Variants in POLA2 observed in about 807,000 individuals in gnomAD.
The protein encoded by POLA2 is DNA polymerase alpha subunit B.
POLA2 carries 47 observed loss-of-function variants against 82.8 expected under a neutral mutation model. That is an observed-to-expected ratio of 0.57 (90% CI 0.45 to 0.72). POLA2 has a LOEUF of 0.72. POLA2 is among the 30% of genes least tolerant of loss of function. The pLI is 0.00. For missense variants in POLA2, 634 were observed against 728.1 expected (o/e 0.87, Z 1.49); for synonymous variants, 287 against 286.8 (o/e 1.00, Z -0.01).
At chr11:65,292,633 A>C (rs1168137602) in intron 13 of POLA2, among the ~76,000 whole-genome samples, 1 of 152,218 alleles carries the variant, frequency 6.6e-6, no homozygotes, top group Non-Finnish European at 1.5e-5. Flanking sequence ...GGATCACCCT[A>C]GTGAGCTTCT....
intron 8 of POLA2, among the ~76,000 whole-genome samples, chr11:65,305,067 C>G (rs1949879919): frequency 6.7e-6 from 1 of 149,318 alleles, no homozygotes; most frequent in Non-Finnish European, 1.5e-5. Context: ...TGGGGGCTAA[C>G]CTATCACCTA....
intron 4 of POLA2, among the ~76,000 whole-genome samples, chr11:65,273,432 G>A (rs553158139): frequency 1.3e-5 from 2 of 152,326 alleles, no homozygotes; most frequent in East Asian, 3.9e-4. Flanking sequence ...TGGAGTTGGT[G>A]AACACTATTG....
chr11:65,284,557 T>G (rs1329404287), intron 10 of POLA2, among the ~76,000 whole-genome samples: 1 of 151,686 alleles, frequency 6.6e-6, no homozygotes, highest in Non-Finnish European at 1.5e-5. Context: ...AGACAGAGTT[T>G]CACTCGTTGC....
intron 1 of POLA2, 121 bp from the exon 2 acceptor site, chr11:65,266,461 G>A: frequency 3.0e-6 from 3 of 990,020 alleles, no homozygotes; most frequent in Middle Eastern, 2.6e-4. Flanking sequence ...CCAAAACAGT[G>A]CCTGGCACTA....
intron 7 of POLA2, 41 bp from the exon 8 acceptor site, chr11:65,280,951 C>G (rs759869761): frequency 6.2e-7 from 1 of 1,600,030 alleles, no homozygotes; most frequent in Non-Finnish European, 8.5e-7. Context: ...AGCTCCTGCT[C>G]CAAAGACTGT....
chr11:65,292,916 G>A (rs1000329695), intron 13 of POLA2, among the ~76,000 whole-genome samples: 4 of 152,098 alleles, frequency 2.6e-5, no homozygotes, highest in Admixed American at 6.6e-5. Context: ...ATTTATAAAC[G>A]GCCCCTCTGC....
rs1276809241 is a variant in POLA2, at chr11:65,262,192, G to A, written c.-101G>A. 1.2e-6 allele frequency: 1 copy of A among 863,072 alleles called. No homozygotes were observed. Among genetic ancestry groups the A allele is most frequent in the South Asian group, 1.4e-5 (1 of 69,954 alleles). 53.5% of individuals were successfully genotyped at this position (863,072 alleles called of 1,614,324 possible). ...TGTCACGGTCCGCGGAGGGGGGAAGGATAAGAGGGCGAGGAGCTCATCGCT... is the reference window on the plus strand; with the variant it reads ...TGTCACGGTCCGCGGAGGGGGGAAGAATAAGAGGGCGAGGAGCTCATCGCT... On this transcript the variant is annotated 5_prime_UTR_variant, in exon 1 of 18. Coordinates refer to ENST00000265465, the MANE Select transcript of POLA2 (RefSeq NM_002689.4).
chr11:65,269,904 G>A (rs1391807836), intron 4 of POLA2, among the ~76,000 whole-genome samples: 1 of 152,140 alleles, frequency 6.6e-6, no homozygotes, highest in East Asian at 1.9e-4. Flanking sequence ...GCACGATCTC[G>A]GGTCACTGCA....
chr11:65,301,446 G>C (rs576596830), downstream of POLA2, among the ~76,000 whole-genome samples: 1 of 152,234 alleles, frequency 6.6e-6, no homozygotes, highest in East Asian at 1.9e-4. Context: ...GGGCTCAGGG[G>C]AGGGGCCTGG....
chr11:65,283,809 T>C (rs1407319831), intron 10 of POLA2, among the ~76,000 whole-genome samples: 1 of 152,120 alleles, frequency 6.6e-6, no homozygotes, highest in African/African-American at 2.4e-5. Context: ...TGTTATGTGG[T>C]AACTAATCTA....
chr11:65,289,262 C>T lies in POLA2; in HGVS notation c.1170+174C>T, dbSNP rs147636187. ...ATAAAGATCTGGAATCCAAGGGCCT[C>T]CTTTCACCAGAATACAAGGCTGTCT... On this transcript the variant is annotated intron_variant, in intron 12 of 17. Coordinates refer to ENST00000265465, the MANE Select transcript of POLA2 (RefSeq NM_002689.4). 1.2e-4 allele frequency among the ~76,000 whole-genome samples: 19 copies of T among 152,288 alleles called. No individual in the cohort carries two copies. The East Asian group carries it at 3.7e-3, about 29-fold the overall frequency.
chr11:65,296,979 T>G, intron 17 of POLA2, 141 bp from the exon 18 acceptor site: 1 of 706,560 alleles, frequency 1.4e-6, no homozygotes, highest in Non-Finnish European at 2.3e-6. Flanking sequence ...TGACTGAAAA[T>G]GTGTCTGGTG....
chr11:65,283,555 C>T (rs967845236), intron 10 of POLA2, among the ~76,000 whole-genome samples: 34 of 151,988 alleles, frequency 2.2e-4, no homozygotes, highest in Admixed American at 1.6e-3. Flanking sequence ...CTGCAAGCTC[C>T]GCCTCCCGGG....
chr11:65,267,380 T>A (rs1949472483), intron 2 of POLA2, 97 bp from the exon 3 acceptor site: 4 of 665,880 alleles, frequency 6.0e-6, no homozygotes, highest in Non-Finnish European at 1.0e-5. Context: ...GATCTTTGAT[T>A]ATATTTTGAA....
Position 65,278,857 on chromosome 11 carries a change from G to A in POLA2, c.589G>A (p.Gly197Arg). The A allele has an allele frequency of 6.2e-7, 1 of 1,613,846 alleles. No homozygotes were observed. Among genetic ancestry groups the A allele is most frequent in the East Asian group, 2.2e-5 (1 of 44,892 alleles). Reference protein sequence around the residue: ...GAGNISLKVLGCPEALTGSYK... With the variant: ...GAGNISLKVLRCPEALTGSYK... ...TGGAAACATCAGCCTGAAGGTCTTG[G>A]GATGTCCAGAGGCACTAACTGGGAG... The change falls in exon 6 of 18, where the codon GGA (glycine) becomes AGA (arginine). Residue 197 changes from glycine to arginine, a missense_variant. Transcript: ENST00000265465.
intron 5 of POLA2, among the ~76,000 whole-genome samples, chr11:65,276,878 G>T (rs1321608267): frequency 2.7e-5 from 4 of 148,544 alleles, no homozygotes; most frequent in Non-Finnish European, 5.9e-5. Flanking sequence ...TGAAGCCTCT[G>T]CCTCCCGGTT....
chr11:65,273,304 C>G (rs958452332), intron 4 of POLA2, among the ~76,000 whole-genome samples: 1 of 152,094 alleles, frequency 6.6e-6, no homozygotes, highest in Non-Finnish European at 1.5e-5. Context: ...CCTGGGCAAC[C>G]CTCCGTCTCA....
Position 65,287,843 on chromosome 11 carries a change from A to G in POLA2, c.1131+3A>G, listed in dbSNP as rs776966574. 13 of 1,612,662 alleles carry G rather than the reference A, an allele frequency of 8.1e-6. No individual in the cohort carries two copies. Among genetic ancestry groups the G allele is most frequent in the Non-Finnish European group, 1.0e-5 (12 of 1,179,434 alleles). On this transcript the variant is annotated splice_donor_region_variant and intron_variant, in intron 11 of 17. Transcript: ENST00000265465. ...ACCGGCCAGATGTCTGCATCCTGGTAAGAGGCACCAGTGGGAAAGCTGAGG... is the reference window on the plus strand; with the variant it reads ...ACCGGCCAGATGTCTGCATCCTGGTGAGAGGCACCAGTGGGAAAGCTGAGG...
intron 17 of POLA2, among the ~76,000 whole-genome samples, chr11:65,296,699 C>A (rs1031744424): frequency 6.6e-6 from 1 of 152,124 alleles, no homozygotes; most frequent in African/African-American, 2.4e-5. Flanking sequence ...GTAATCCCAG[C>A]ACTTTGGGAG....
Sources: gnomAD v4.1 joint callset for allele counts (sites outside exome capture counted in the v4.1 genomes callset) on GRCh38, gnomAD v4.1.1 for gene constraint, MANE v1.5 for transcripts, NCBI Gene and HGNC (gene_info 2026-07-23, HGNC 2026-07-21) for gene names.